CLASP2: variants seen among roughly 807,000 people sequenced by gnomAD.
CLASP2 encodes cytoplasmic linker associated protein 2, also known as CLIP-associating protein 2.
In CLASP2, 47 loss-of-function variants were observed where a neutral mutation model predicts 194.4. That is an observed-to-expected ratio of 0.24 (90% confidence interval 0.19 to 0.31). The LOEUF (loss-of-function observed/expected upper bound fraction) is 0.31. Ranked by LOEUF, CLASP2 falls within the 10% of genes least tolerant of loss-of-function variation. The pLI, the probability that CLASP2 is intolerant of heterozygous loss-of-function variation, is 1.00. For missense variants in CLASP2, 1,445 were observed against 1,823.6 expected, an observed-to-expected ratio of 0.79 and a Z score of 3.78; for synonymous variants, 619 against 633.5, an observed-to-expected ratio of 0.98 and a Z score of 0.34.
chr3:33,535,246 G>A lies in CLASP2; in HGVS notation c.3774C>T (p.Asp1258=), dbSNP rs1383460902. ...CCCAGAACATACCGTCAGGAAACTG[G>A]TCAGCATCATCATCAAACATGGCTT... The part of the protein sequence containing the change: ...LKEAMFDDDA[D]QFPDDLSLDH... The change falls in exon 34 of 39, where the codon GAC becomes GAT. Residue 1258 remains aspartate, a synonymous_variant. Transcript: ENST00000682230. 6.2e-7 allele frequency: 1 copy of A among 1,613,086 alleles called. No individual in the cohort carries two copies. Among genetic ancestry groups the A allele is most frequent in the East Asian group, 2.2e-5 (1 of 44,878 alleles).
intron 6 of CLASP2, among the ~76,000 whole-genome samples, chr3:33,683,845 TA>T (rs1296469830): frequency 7.0e-6 from 1 of 143,314 alleles, no homozygotes. Context: ...GAGGCTGAGA[TA>T]GGGGAATCAC....
intron 26 of CLASP2, among the ~76,000 whole-genome samples, chr3:33,567,701 T>C (rs2154188098): frequency 6.6e-6 from 1 of 152,342 alleles, no homozygotes; most frequent in South Asian, 2.1e-4. Context: ...TTTTACAGAT[T>C]AATAATTAAT....
chr3:33,629,926 G>C (rs1292762700), intron 9 of CLASP2, among the ~76,000 whole-genome samples: 1 of 152,132 alleles, frequency 6.6e-6, no homozygotes, highest in Non-Finnish European at 1.5e-5. Context: ...TAAAGTGACA[G>C]ATGATTAATT....
chr3:33,612,290 A>T (rs983662693), intron 12 of CLASP2, among the ~76,000 whole-genome samples: 4 of 152,212 alleles, frequency 2.6e-5, no homozygotes, highest in African/African-American at 7.2e-5. Context: ...ATATAATATG[A>T]TCTAACAAAG....
intron 1 of CLASP2, among the ~76,000 whole-genome samples, chr3:33,712,256 G>A (rs958924165): frequency 1.3e-5 from 2 of 152,134 alleles, no homozygotes; most frequent in African/African-American, 4.8e-5. Context: ...GTGAAACTCA[G>A]AAAATCAAAG....
At chr3:33,537,652 T>C (rs991827394) in intron 33 of CLASP2, among the ~76,000 whole-genome samples, 1 of 152,172 alleles carries the variant, frequency 6.6e-6, no homozygotes, top group Admixed American at 6.5e-5. Flanking sequence ...CTTACTTAAG[T>C]GTAATGATGT....
Position 33,588,632 on chromosome 3 carries a change from A to G in CLASP2, c.2069-3712T>C, listed in dbSNP as rs1576844043. The G allele has an allele frequency of 2.2e-5, 15 of 696,922 alleles. No homozygotes were observed. The East Asian group carries it at 4.0e-4, about 19-fold the overall frequency. 43.2% of individuals were successfully genotyped at this position (696,922 alleles called of 1,614,324 possible). Reference sequence around the variant, plus strand: ...CTATGACGTTAAGAATTTCTGCTGAATAGAACCCATTCTTCATAATGAAAA... The same window carrying G: ...CTATGACGTTAAGAATTTCTGCTGAGTAGAACCCATTCTTCATAATGAAAA... On this transcript the variant is annotated intron_variant, in intron 21 of 38. Coordinates refer to ENST00000682230, the MANE Select transcript of CLASP2 (RefSeq NM_001365631.1).
At chr3:33,644,587 A>G (rs1033623813) in intron 8 of CLASP2, 170 bp downstream of exon 8, 8 of 710,654 alleles carry the variant, frequency 1.1e-5, no homozygotes, top group Non-Finnish European at 1.5e-5. Context: ...AGTATACAAT[A>G]TTTTATACAT....
chr3:33,605,035 G>A (rs182408986), intron 16 of CLASP2, among the ~76,000 whole-genome samples: 12 of 152,162 alleles, frequency 7.9e-5, no homozygotes, highest in Non-Finnish European at 1.8e-4. Context: ...AGATTGAGGC[G>A]GATCACTTTA....
chr3:33,501,297 T>C (rs2046792010), intron 38 of CLASP2, among the ~76,000 whole-genome samples: 1 of 152,192 alleles, frequency 6.6e-6, no homozygotes, highest in Non-Finnish European at 1.5e-5. Flanking sequence ...CATTAATATA[T>C]ATAACCACAA....
At chr3:33,592,573 T>A in intron 20 of CLASP2, 77 bp from the exon 21 acceptor site, 1 of 1,150,838 alleles carries the variant, frequency 8.7e-7, no homozygotes. Flanking sequence ...AAAATCTCAC[T>A]ATTTTTAGGT....
At chr3:33,533,270 C>T (rs2056696801) in intron 34 of CLASP2, among the ~76,000 whole-genome samples, 1 of 152,194 alleles carries the variant, frequency 6.6e-6, no homozygotes. Context: ...AGACAGTCAA[C>T]TATTTGTGAC....
chr3:33,577,373 T>C (rs149297910), intron 23 of CLASP2: 9,310 of 821,940 alleles, frequency 0.011, 77 homozygotes, highest in Non-Finnish European at 0.015. Flanking sequence ...TTATTCTTTA[T>C]AGTTAATGAT....
intron 34 of CLASP2, among the ~76,000 whole-genome samples, chr3:33,525,278 T>C (rs9816270): frequency 6.6e-6 from 1 of 152,078 alleles, no homozygotes; most frequent in East Asian, 1.9e-4. Context: ...GGGAAATTTA[T>C]AGCTATAAAT....
intron 18 of CLASP2, among the ~76,000 whole-genome samples, chr3:33,600,714 C>T (rs1480803610): frequency 6.6e-6 from 1 of 152,066 alleles, no homozygotes; most frequent in African/African-American, 2.4e-5. Context: ...ATAATTCAAC[C>T]TTTGTTGAAA....
In CLASP2 at chr3:33,581,888, T is replaced by A. The variant is rs549635922; in HGVS notation, c.2280A>T (p.Gly760=). The part of the protein sequence containing the change: ...SRIPRPSVSQ[G]CSREASRESS... ...TCTCCCGACTAGCTTCCCGGCTGCA[T>A]CCTTGACTCACACTTGGTCGAGGAA... Residue 760 remains glycine (G), a synonymous_variant, in exon 23 of 39, where the codon GGA becomes GGT. Transcript: ENST00000682230. 1 of 1,613,772 alleles carries A rather than the reference T, an allele frequency of 6.2e-7. No individual in the cohort carries two copies. The highest frequency in any genetic ancestry group is 8.5e-7 in the Non-Finnish European group (1 of 1,179,794).
At chr3:33,638,741 G>A (rs2080707504) in intron 8 of CLASP2, among the ~76,000 whole-genome samples, 1 of 152,200 alleles carries the variant, frequency 6.6e-6, no homozygotes, top group South Asian at 2.1e-4. Flanking sequence ...ATATTAGAAT[G>A]TATGTGATAA....
intron 6 of CLASP2, among the ~76,000 whole-genome samples, chr3:33,675,120 C>T (rs532001107): frequency 2.0e-5 from 3 of 152,142 alleles, no homozygotes; most frequent in Non-Finnish European, 2.9e-5. Context: ...CAAAGCCGCG[C>T]AGAGACACAA....
At chr3:33,655,660 A>G (rs2084033946) in intron 7 of CLASP2, among the ~76,000 whole-genome samples, 1 of 152,184 alleles carries the variant, frequency 6.6e-6, no homozygotes, top group African/African-American at 2.4e-5. Context: ...ATCACAAAGA[A>G]TATTCAACAG....
Sources: gnomAD v4.1 joint callset for allele counts (sites outside exome capture counted in the v4.1 genomes callset) on GRCh38, gnomAD v4.1.1 for gene constraint, MANE v1.5 for transcripts, NCBI Gene and HGNC (gene_info 2026-07-23, HGNC 2026-07-21) for gene names.